The following PDXDC1 variants were observed in gnomAD, a reference collection of about 807,000 sequenced individuals.
PDXDC1 encodes pyridoxal-dependent decarboxylase domain-containing protein 1.
A neutral mutation model predicts 100.1 loss-of-function variants in PDXDC1; 42 were observed. The ratio of observed to expected loss-of-function variants is 0.42; its 90% confidence interval spans 0.33 to 0.54. PDXDC1 has a LOEUF of 0.54. Among genes scored for constraint, PDXDC1 ranks in the 20% least tolerant of loss-of-function variants. The probability of loss-of-function intolerance (pLI) is 0.10; values close to 1 mark genes in which losing one functional copy is unlikely to be tolerated. For missense variants in PDXDC1, 636 were observed against 979.2 expected (o/e 0.65, Z 4.68); for synonymous variants, 260 against 371.7 (o/e 0.70, Z 3.46).
At chr16:15,041,642 T>C (rs368411141), downstream of PDXDC1, 5 of 1,611,726 alleles carry the variant, frequency 3.1e-6, no homozygotes, top group African/African-American at 5.3e-5. Flanking sequence ...ATAATGTCAC[T>C]AAGTGAATGT....
chr16:15,127,991 C>T (rs753871926), intron 16 of PDXDC1: 30 of 1,590,860 alleles, frequency 1.9e-5, no homozygotes, highest in Non-Finnish European at 2.3e-5. Context: ...CGAGGCCTTA[C>T]TCGCGGCCAG....
At chr16:15,128,408 G>T (rs2047871077) in intron 16 of PDXDC1, 1 of 1,458,218 alleles carries the variant, frequency 6.9e-7, no homozygotes, top group Non-Finnish European at 9.5e-7. Context: ...CAAGAGGGAG[G>T]GGTGGGAGGC....
downstream of PDXDC1, among the ~76,000 whole-genome samples, chr16:15,141,206 G>A (rs1047072918): frequency 1.3e-5 from 2 of 152,320 alleles, no homozygotes; most frequent in African/African-American, 2.4e-5. Flanking sequence ...CTCCGCTCCC[G>A]CAGCAGCCTA....
At chr16:15,143,751 A>G (rs1210458943), downstream of PDXDC1, among the ~76,000 whole-genome samples, 3 of 152,188 alleles carry the variant, frequency 2.0e-5, no homozygotes, top group Admixed American at 2.0e-4. Context: ...CCAATCCACA[A>G]CAGAGGGAAT....
At chr16:15,024,484 C>T (rs1298176284) in intron 13 of PDXDC1, among the ~76,000 whole-genome samples, 1 of 151,496 alleles carries the variant, frequency 6.6e-6, no homozygotes, top group Non-Finnish European at 1.5e-5. Flanking sequence ...TTGGCTCACT[C>T]TAACCTCCGC....
chr16:15,021,182 G>C (rs1262875625), intron 12 of PDXDC1, among the ~76,000 whole-genome samples: 47 of 152,366 alleles, frequency 3.1e-4, no homozygotes, highest in Non-Finnish European at 1.0e-4. Context: ...TTCAACACCA[G>C]CCTGGGCAAT....
In PDXDC1 at chr16:15,076,539, T is replaced by C. The variant is rs765393444; in HGVS notation, c.1399+46483T>C. On this transcript the variant is annotated intron_variant, in intron 16 of 16. Coordinates refer to the PDXDC1 transcript ENST00000535621. ...TTTATGATAAACTTCATCTCCACTT[T>C]CATTAATAAACTGCTAACCATATTA... 2.9e-5 allele frequency: 44 copies of C among 1,524,636 alleles called. No individual in the cohort carries two copies. The Admixed American group carries it at 7.2e-4, about 25-fold the overall frequency. 94.4% of individuals were successfully genotyped at this position (1,524,636 alleles called of 1,614,324 possible).
intron 16 of PDXDC1, among the ~76,000 whole-genome samples, chr16:15,064,873 A>C (rs2044891418): frequency 6.6e-6 from 1 of 152,222 alleles, no homozygotes; most frequent in African/African-American, 2.4e-5. Context: ...ATCACGTTTA[A>C]ATCCACCTCC....
chr16:15,015,019 G>A (rs1342810275), intron 8 of PDXDC1, among the ~76,000 whole-genome samples: 3 of 152,264 alleles, frequency 2.0e-5, no homozygotes, highest in African/African-American at 7.2e-5. Flanking sequence ...CTCACTACAA[G>A]CTCTGCCTCC....
At chr16:14,987,272 CT>C (rs1297552102) in intron 1 of PDXDC1, among the ~76,000 whole-genome samples, 2 of 152,276 alleles carry the variant, frequency 1.3e-5, no homozygotes, top group East Asian at 3.8e-4. Context: ...TGAGTACAAG[CT>C]TTTTTAAAGT....
At chr16:15,016,770 G>A (rs1435758494) in intron 9 of PDXDC1, among the ~76,000 whole-genome samples, 26 of 152,408 alleles carry the variant, frequency 1.7e-4, no homozygotes, top group Non-Finnish European at 2.9e-4. Flanking sequence ...CAGGGGGAAC[G>A]GACGTGGGCA....
At chr16:15,033,245 G>A (rs747746735) in intron 18 of PDXDC1, 33 bp from the exon 19 acceptor site, 1 of 1,613,344 alleles carries the variant, frequency 6.2e-7, no homozygotes, top group Non-Finnish European at 8.5e-7. Context: ...ACAGAGGACT[G>A]AGAAACTCAA....
At chr16:15,146,781 G>T in the PDXDC1 span, among the ~76,000 whole-genome samples, 3 of 151,984 alleles carry the variant, frequency 2.0e-5, no homozygotes, top group African/African-American at 7.2e-5. Context: ...ATGGGCCCCC[G>T]GAACCCCTGA....
At chr16:15,106,754 C>T (rs538286027) in intron 16 of PDXDC1, among the ~76,000 whole-genome samples, 3 of 89,140 alleles carry the variant, frequency 3.4e-5, no homozygotes, top group African/African-American at 8.3e-5. Flanking sequence ...GACTCCATCT[C>T]AGAAAAACAA....
In PDXDC1 at chr16:14,975,810, C is replaced by G. The variant is rs544883683; in HGVS notation, c.21+590C>G. On this transcript the variant is annotated intron_variant, in intron 1 of 22. Coordinates refer to ENST00000396410, the MANE Select transcript of PDXDC1 (RefSeq NM_015027.4). ...GTGTTTAACCGCCACCGCCCCGCTCCCACTCCGCCCCACGCAGGTGATTCT... is the reference window on the plus strand; with the variant it reads ...GTGTTTAACCGCCACCGCCCCGCTCGCACTCCGCCCCACGCAGGTGATTCT... 3.9e-5 allele frequency among the ~76,000 whole-genome samples: 6 copies of G among 152,396 alleles called. No individual in the cohort carries two copies. In the East Asian group the frequency reaches 9.6e-4, roughly 24 times the overall value.
At chr16:15,061,810 A>C (rs371499562) in intron 16 of PDXDC1, 1 of 1,614,194 alleles carries the variant, frequency 6.2e-7, no homozygotes, top group Non-Finnish European at 8.5e-7. Context: ...GACTTCGGAA[A>C]TGCGTGTCAA....
intron 1 of PDXDC1, among the ~76,000 whole-genome samples, chr16:14,993,611 ATG>A (rs1971344591): frequency 6.6e-6 from 1 of 152,292 alleles, no homozygotes; most frequent in South Asian, 2.1e-4. Context: ...ATACGTGTGC[ATG>A]TGTCTTTATA....
At chr16:15,020,874 C>T (rs1481052822) in intron 12 of PDXDC1, among the ~76,000 whole-genome samples, 6 of 152,242 alleles carry the variant, frequency 3.9e-5, no homozygotes, top group Non-Finnish European at 7.3e-5. Context: ...GTCCCAGCTA[C>T]TCAGGAGGCT....
chr16:15,003,406 T>C lies in PDXDC1; in HGVS notation c.243-781T>C, dbSNP rs1296452136. ...TAATTTTTTGTATTTTTAGTAGAGA[T>C]GGGGTTTCACCATGTTAGCCAGGAT... On this transcript the variant is annotated intron_variant, in intron 4 of 22. Coordinates refer to ENST00000396410, the MANE Select transcript of PDXDC1 (RefSeq NM_015027.4). Among the ~76,000 whole-genome samples the C allele has an allele frequency of 4.5e-4, 68 of 152,252 alleles. No individual in the cohort carries two copies. The South Asian group carries it at 0.012, about 26-fold the overall frequency.
Sources: gnomAD v4.1 joint callset for allele counts (sites outside exome capture counted in the v4.1 genomes callset) on GRCh38, gnomAD v4.1.1 for gene constraint, MANE v1.5 for transcripts, NCBI Gene and HGNC (gene_info 2026-07-23, HGNC 2026-07-21) for gene names.